BRD7: variants seen among roughly 807,000 people sequenced by gnomAD.
BRD7 encodes the protein bromodomain-containing protein 7.
In BRD7, 15 loss-of-function variants were observed where a neutral mutation model predicts 82.1. The observed-to-expected ratio is 0.18, with a 90% CI of 0.12 to 0.28. The LOEUF is 0.28. Among genes scored for constraint, BRD7 ranks in the 10% least tolerant of loss-of-function variants. The probability of loss-of-function intolerance (pLI) is 1.00; values close to 1 mark genes in which losing one functional copy is unlikely to be tolerated. For synonymous variants in BRD7, 232 were observed against 266.9 expected (o/e 0.87, Z 1.27); for missense variants, 638 against 779.9 (o/e 0.82, Z 2.17).
In BRD7 at chr16:50,317,497, A is replaced by ATTTG. The variant is rs2036857524; in HGVS notation, c.*1710_*1713dup. Reference sequence around the variant, plus strand: ...GTCAGCATATTTGTACTCTTGGAATATTTGTTTTTTTCTTCAGTAACAACA... The same window carrying ATTTG: ...GTCAGCATATTTGTACTCTTGGAATATTTGTTTGTTTTTTTCTTCAGTAACAACA... On this transcript the variant is annotated 3_prime_UTR_variant, in exon 17 of 17. Transcript: ENST00000394688. 1 of 152,316 alleles carries ATTTG rather than the reference A, an allele frequency of 6.6e-6. No homozygotes were observed. Among genetic ancestry groups the ATTTG allele is most frequent in the Non-Finnish European group, 1.5e-5 (1 of 68,030 alleles). 9.4% of individuals were successfully genotyped at this position (152,316 alleles called of 1,614,324 possible).
chr16:50,338,862 T>A (rs1409830777), intron 6 of BRD7, among the ~76,000 whole-genome samples: 1 of 152,190 alleles, frequency 6.6e-6, no homozygotes, highest in African/African-American at 2.4e-5. Context: ...CATGGTATGG[T>A]ATGGTGCCAG....
intron 14 of BRD7, 81 bp from the exon 15 acceptor site, chr16:50,320,472 ATTGG>A: frequency 6.4e-7 from 1 of 1,551,564 alleles, no homozygotes; most frequent in Non-Finnish European, 8.7e-7. Context: ...TTTGCTAATT[ATTGG>A]TTAGCCTTCT....
chr16:50,349,245 G>C (rs1229555177), intron 5 of BRD7: 2 of 210,072 alleles, frequency 9.5e-6, no homozygotes, highest in Non-Finnish European at 1.9e-5. Context: ...GGGGCCTGTT[G>C]TGGGGTGGGG....
intron 2 of BRD7, among the ~76,000 whole-genome samples, chr16:50,357,152 C>T (rs1201432506): frequency 6.6e-6 from 1 of 152,202 alleles, no homozygotes; most frequent in Non-Finnish European, 1.5e-5. Context: ...ATGGCTGGGC[C>T]TTGTCCCTAG....
Position 50,325,781 on chromosome 16 carries a change from T to C in BRD7, c.1298A>G (p.Tyr433Cys), listed in dbSNP as rs571015013. Residue 433 changes from tyrosine (Y) to cysteine (C), a missense_variant, in exon 11 of 17, where the codon TAT (tyrosine) becomes TGT (cysteine). This residue lies in a region of BRD7 where 402 missense variants were observed against 500.8 expected (regional missense o/e 0.80). Coordinates refer to ENST00000394688, the MANE Select transcript of BRD7 (RefSeq NM_013263.5). ...ACTTGGAAGATCAGAGTCTTCCCCA[T>C]AGGTTGAATAGATTAAATCAGAATC... ...KDDSDLIYST[Y>C]GEDSDLPSDF... 4 of 1,608,024 alleles carry C rather than the reference T, an allele frequency of 2.5e-6. No homozygotes were observed. The highest frequency in any genetic ancestry group is 4.5e-5 in the East Asian group (2 of 44,742).
chr16:50,326,237 T>G (rs1333295567), intron 10 of BRD7, 47 bp downstream of exon 10: 1 of 1,499,664 alleles, frequency 6.7e-7, no homozygotes, highest in African/African-American at 1.4e-5. Flanking sequence ...TTCCCTAATA[T>G]CCCAAAACAG....
chr16:50,363,477 A>T (rs1056745876), intron 2 of BRD7, among the ~76,000 whole-genome samples: 3 of 152,228 alleles, frequency 2.0e-5, no homozygotes, highest in African/African-American at 7.2e-5. Context: ...TGTACCCCTA[A>T]TGCTTTGGTT....
chr16:50,327,667 T>C (rs1305057937), intron 9 of BRD7, among the ~76,000 whole-genome samples: 1 of 152,212 alleles, frequency 6.6e-6, no homozygotes, highest in Admixed American at 6.5e-5. Context: ...ATCATCTCCT[T>C]AAGGATGCCT....
In BRD7 at chr16:50,350,010, A is replaced by T; in HGVS notation, c.591+13T>A. On this transcript the variant is annotated intron_variant, in intron 5 of 16. Coordinates refer to ENST00000394688, the MANE Select transcript of BRD7 (RefSeq NM_013263.5). The stretch of plus-strand genomic sequence containing the variant: ...TCTACCAAGATTTTGTGTATATAGG[A>T]TTGAAGAGTTACCTTTAGTTCTTCT... 1 of 1,564,546 alleles carries T rather than the reference A, an allele frequency of 6.4e-7. No homozygotes were observed. Among genetic ancestry groups the T allele is most frequent in the Non-Finnish European group, 8.6e-7 (1 of 1,161,194 alleles).
intron 6 of BRD7, among the ~76,000 whole-genome samples, chr16:50,336,834 A>G (rs745308130): frequency 6.6e-6 from 1 of 152,184 alleles, no homozygotes; most frequent in Non-Finnish European, 1.5e-5. Context: ...GGAAAGAGTG[A>G]AGTTTAATTT....
intron 5 of BRD7, among the ~76,000 whole-genome samples, chr16:50,340,848 T>C (rs980660731): frequency 6.6e-6 from 1 of 152,124 alleles, no homozygotes; most frequent in Non-Finnish European, 1.5e-5. Context: ...TTTACATCTA[T>C]AAATGTGCGA....
At chr16:50,356,714 GAAAA>G (rs536117005) in intron 2 of BRD7, among the ~76,000 whole-genome samples, 2 of 121,050 alleles carry the variant, frequency 1.7e-5, no homozygotes, top group African/African-American at 6.5e-5. Context: ...TTCCTTAGGG[GAAAA>G]AAAAAATATA....
At chr16:50,329,204 G>A (rs1367216394) in intron 8 of BRD7, among the ~76,000 whole-genome samples, 1 of 152,168 alleles carries the variant, frequency 6.6e-6, no homozygotes, top group Non-Finnish European at 1.5e-5. Context: ...TCACACAGGG[G>A]ATGATGGGCT....
chr16:50,320,179 C>T, intron 15 of BRD7, 69 bp downstream of exon 15: 1 of 1,558,080 alleles, frequency 6.4e-7, no homozygotes. Context: ...AGTGGCATCA[C>T]CACTGTACTC....
intron 5 of BRD7, among the ~76,000 whole-genome samples, chr16:50,344,791 T>C (rs185013728): frequency 6.6e-6 from 1 of 152,312 alleles, no homozygotes; most frequent in East Asian, 1.9e-4. Flanking sequence ...CTACATCTGA[T>C]TGGTGTACCT....
At chr16:50,348,662 A>G (rs1191163120) in intron 5 of BRD7, among the ~76,000 whole-genome samples, 2 of 152,232 alleles carry the variant, frequency 1.3e-5, no homozygotes, top group East Asian at 3.9e-4. Flanking sequence ...AAAAATGCTC[A>G]TCATCACTGG....
At position 50,354,036 on chromosome 16, in the gene BRD7, A is replaced by AT. The variant is rs902489579; in HGVS notation, c.446+388dup. Among the ~76,000 whole-genome samples, 23 of 152,250 alleles carry AT rather than the reference A, an allele frequency of 1.5e-4. 1 individual carries two copies. The highest frequency in any genetic ancestry group is 8.3e-4 in the South Asian group (4 of 4,820). ...CCATAATTCCTATTTATGGTGTTTTATTTTTTCTCCCATACTTAATAATTG... is the reference window on the plus strand; with the variant it reads ...CCATAATTCCTATTTATGGTGTTTTATTTTTTTCTCCCATACTTAATAATTG... On this transcript the variant is annotated intron_variant, in intron 4 of 16. Transcript: ENST00000394688.
intron 4 of BRD7, among the ~76,000 whole-genome samples, chr16:50,351,609 TAAG>T (rs1270701643): frequency 6.6e-6 from 1 of 152,226 alleles, no homozygotes; most frequent in Non-Finnish European, 1.5e-5. Context: ...TAGCTCCTGG[TAAG>T]GATGAAGAAT....
At chr16:50,341,285 T>C (rs1332429272) in intron 5 of BRD7, among the ~76,000 whole-genome samples, 1 of 151,982 alleles carries the variant, frequency 6.6e-6, no homozygotes, top group Non-Finnish European at 1.5e-5. Context: ...CTCATTATGG[T>C]ATCCAAAGGA....
Sources: gnomAD v4.1 joint callset for allele counts (sites outside exome capture counted in the v4.1 genomes callset) on GRCh38, gnomAD v4.1.1 for gene constraint, gnomAD v4.1.1 regional missense constraint, MANE v1.5 for transcripts, NCBI Gene and HGNC (gene_info 2026-07-23, HGNC 2026-07-21) for gene names.